SPATA31D3: variants seen among roughly 807,000 people sequenced by gnomAD.
SPATA31D3 encodes spermatogenesis-associated protein 31D3.
For missense variants in SPATA31D3, 91 were observed against 297.9 expected, an observed-to-expected ratio of 0.31 and a Z score of 5.11; for synonymous variants, 27 against 107.8, an observed-to-expected ratio of 0.25 and a Z score of 4.65.
Position 81,949,162 on chromosome 9 carries a change from A to G in SPATA31D3, c.*1155A>G, listed in dbSNP as rs1247932892. On this transcript the variant is annotated 3_prime_UTR_variant, in exon 4 of 4. Coordinates refer to ENST00000445385, the MANE Select transcript of SPATA31D3 (RefSeq NM_207416.3). ...TGTCTTACAGAAATGCCAAGTTAAG[A>G]ATTTTTCACCAGCTACAAAGAGAGT... 1 of 540,544 alleles carries G rather than the reference A, an allele frequency of 1.8e-6. No individual in the cohort carries two copies. Among genetic ancestry groups the G allele is most frequent in the African/African-American group, 1.9e-5 (1 of 53,166 alleles). The allele number at this position is 540,544 out of a possible 1,614,324, so 33.5% of individuals were successfully genotyped here.
chr9:81,949,681 C>G lies in SPATA31D3; in HGVS notation c.*1674C>G, dbSNP rs964046993. 2 of 1,253,610 alleles carry G rather than the reference C, an allele frequency of 1.6e-6. No homozygotes were observed. The highest frequency in any genetic ancestry group is 1.2e-6 in the Non-Finnish European group (1 of 858,516). The allele number at this position is 1,253,610 out of a possible 1,614,324, so 77.7% of individuals were successfully genotyped here. A position where few individuals can be genotyped will look rare whatever the true frequency, so the allele number is the denominator to read the frequency against. On this transcript the variant is annotated 3_prime_UTR_variant, in exon 4 of 4. Coordinates refer to ENST00000445385, the MANE Select transcript of SPATA31D3 (RefSeq NM_207416.3). ...CAGAGCAGAGCCTGTCCAGGGCTAT[C>G]CCTGCAACTACATGGCTCCCTCCTG...
In SPATA31D3 at chr9:81,948,812, G is replaced by C. The variant is rs1823950263; in HGVS notation, c.*805G>C. 9.1e-6 allele frequency: 2 copies of C among 219,620 alleles called. No homozygotes were observed. The highest frequency in any genetic ancestry group is 1.5e-5 in the Non-Finnish European group (2 of 130,750). The allele number at this position is 219,620 out of a possible 1,614,324, so 13.6% of individuals were successfully genotyped here. A position where few individuals can be genotyped will look rare whatever the true frequency, so the allele number is the denominator to read the frequency against. On this transcript the variant is annotated 3_prime_UTR_variant, in exon 4 of 4. Coordinates refer to ENST00000445385, the MANE Select transcript of SPATA31D3 (RefSeq NM_207416.3). ...TTGACAACCAGCAAGTCAGGAAGCT[G>C]CTTAGTGACAAACGTGAAAAGAAGC... is the stretch of plus-strand genomic sequence containing the variant.
rs1041341599 is a variant in SPATA31D3, at chr9:81,949,926, C to T, written c.*1919C>T. On this transcript the variant is annotated 3_prime_UTR_variant, in exon 4 of 4. Transcript: ENST00000445385. ...CAGTGTGAAGTCAACCTGGTGCCTCCGGTCATCCTGACCAGTGCTAAAAAC... is the reference window on the plus strand; with the variant it reads ...CAGTGTGAAGTCAACCTGGTGCCTCTGGTCATCCTGACCAGTGCTAAAAAC... 1.7e-5 allele frequency: 10 copies of T among 589,934 alleles called. No homozygotes were observed. The highest frequency in any genetic ancestry group is 3.7e-5 in the African/African-American group (2 of 53,648). The allele number at this position is 589,934 out of a possible 1,614,324, so 36.5% of individuals were successfully genotyped here.
At position 81,949,396 on chromosome 9, in the gene SPATA31D3, C is replaced by G; in HGVS notation, c.*1389C>G. ...GACCTTTTTGCAGCAGTCTAATAAA[C>G]CCATCATAACATATGGAAAACAAGA... On this transcript the variant is annotated 3_prime_UTR_variant, in exon 4 of 4. Transcript: ENST00000445385. The G allele has an allele frequency of 2.8e-6, 1 of 358,398 alleles. No homozygotes were observed. The highest frequency in any genetic ancestry group is 5.5e-6 in the Non-Finnish European group (1 of 180,970). 22.2% of individuals were successfully genotyped at this position (358,398 alleles called of 1,614,324 possible). A position where few individuals can be genotyped will look rare whatever the true frequency, so the allele number is the denominator to read the frequency against.
In SPATA31D3 at chr9:81,949,492, G is replaced by T; in HGVS notation, c.*1485G>T. Reference sequence around the variant, plus strand: ...TAGAGGTCGAGTTAAAAGTAGAGCTGTCTTTACTGGGACTATTGAAGCTCA... The same window carrying T: ...TAGAGGTCGAGTTAAAAGTAGAGCTTTCTTTACTGGGACTATTGAAGCTCA... On this transcript the variant is annotated 3_prime_UTR_variant, in exon 4 of 4. Transcript: ENST00000445385. The T allele has an allele frequency of 1.9e-6, 1 of 519,430 alleles. No individual in the cohort carries two copies. Among genetic ancestry groups the T allele is most frequent in the South Asian group, 2.1e-5 (1 of 48,672 alleles). 32.2% of individuals were successfully genotyped at this position (519,430 alleles called of 1,614,324 possible).
In SPATA31D3 at chr9:81,947,667, A is replaced by C; in HGVS notation, c.2414A>C (p.His805Pro). Residue 805 changes from histidine (H) to proline (P), a missense_variant, in exon 4 of 4, where the codon CAT becomes CCT. Coordinates refer to ENST00000445385, the MANE Select transcript of SPATA31D3 (RefSeq NM_207416.3). The part of the protein sequence containing the change: ...RSNSERDLGT[H>P]MMHLSGNDSG... ...AACTCTGAGAGAGACCTAGGAACTC[A>C]TATGATGCATCTGTCAGGGAATGAT... The C allele has an allele frequency of 6.3e-7, 1 of 1,584,918 alleles. No homozygotes were observed.
chr9:81,949,644 A>T lies in SPATA31D3; in HGVS notation c.*1637A>T. On this transcript the variant is annotated 3_prime_UTR_variant, in exon 4 of 4. Transcript: ENST00000445385. ...AGCTTGGGAAATCTCAGAATGTGCC[A>T]GAACTGCAGGTCAGAGCAGAGCCTG... 2 of 922,902 alleles carry T rather than the reference A, an allele frequency of 2.2e-6. No individual in the cohort carries two copies. Among genetic ancestry groups the T allele is most frequent in the Non-Finnish European group, 1.8e-6 (1 of 566,942 alleles). The allele number at this position is 922,902 out of a possible 1,614,324, so 57.2% of individuals were successfully genotyped here. A position where few individuals can be genotyped will look rare whatever the true frequency, so the allele number is the denominator to read the frequency against.
Position 81,949,359 on chromosome 9 carries a change from A to G in SPATA31D3, c.*1352A>G, listed in dbSNP as rs1254269799. 2.8e-6 allele frequency: 1 copy of G among 354,016 alleles called. No individual in the cohort carries two copies. The highest frequency in any genetic ancestry group is 6.3e-5 in the East Asian group (1 of 15,812). The allele number at this position is 354,016 out of a possible 1,614,324, so 21.9% of individuals were successfully genotyped here. ...AGCCTCCTCCTGAAAACCTTTTCGG[A>G]ACATTGATGAAGACCTTTTTGCAGC... On this transcript the variant is annotated 3_prime_UTR_variant, in exon 4 of 4. Coordinates refer to ENST00000445385, the MANE Select transcript of SPATA31D3 (RefSeq NM_207416.3).
Position 81,948,200 on chromosome 9 carries a change from C to T in SPATA31D3, c.*193C>T. The stretch of plus-strand genomic sequence containing the variant: ...TTTCAAGGAGAAAAGTTGGGAACAA[C>T]AAGCTCAGTCCCTGTCCTTAATCAT... On this transcript the variant is annotated 3_prime_UTR_variant, in exon 4 of 4. Coordinates refer to ENST00000445385, the MANE Select transcript of SPATA31D3 (RefSeq NM_207416.3). The T allele has an allele frequency of 9.6e-7, 1 of 1,036,618 alleles. No homozygotes were observed. The highest frequency in any genetic ancestry group is 2.4e-5 in the East Asian group (1 of 40,870). 64.2% of individuals were successfully genotyped at this position (1,036,618 alleles called of 1,614,324 possible). A position where few individuals can be genotyped will look rare whatever the true frequency, so the allele number is the denominator to read the frequency against.
Position 81,947,606 on chromosome 9 carries a change from G to C in SPATA31D3, c.2353G>C (p.Asp785His). ...TGCCCCAAAAAACCATCTCTTGCAT[G>C]ATCCGGAGACATCTTCAGAGGAGGA... ...ETAPKNHLLHDPETSSEEDLR... is the reference protein window; with the variant it reads ...ETAPKNHLLHHPETSSEEDLR... Residue 785 changes from aspartate (D) to histidine (H), a missense_variant, in exon 4 of 4, where the codon GAT becomes CAT. Coordinates refer to ENST00000445385, the MANE Select transcript of SPATA31D3 (RefSeq NM_207416.3). 1 of 1,570,870 alleles carries C rather than the reference G, an allele frequency of 6.4e-7. No individual in the cohort carries two copies. The highest frequency in any genetic ancestry group is 8.7e-7 in the Non-Finnish European group (1 of 1,155,546).
rs1253847052 is a variant in SPATA31D3 at position 81,946,064 on chromosome 9, T to C, written c.811T>C (p.Phe271Leu). The change falls in exon 4 of 4, where the codon TTT becomes CTT. Residue 271 changes from phenylalanine to leucine, a missense_variant. Physicochemically the swap from Phe to Leu is conservative, Grantham distance 22. Coordinates refer to ENST00000445385, the MANE Select transcript of SPATA31D3 (RefSeq NM_207416.3). ...TTTGTCTCTGAACACCATCTTTTCA[T>C]TTGGCTCCACCCTATGCCAAGATAT... ...ASLSLNTIFS[F>L]GSTLCQDISQ... 0.01 allele frequency: 1 copy of C among 100 alleles called. No individual in the cohort carries two copies. Among genetic ancestry groups the C allele is most frequent in the Admixed American group, 0.062 (1 of 16 alleles). The allele number at this position is 100 out of a possible 1,614,324, so 0.0% of individuals were successfully genotyped here.
At position 81,948,874 on chromosome 9, in the gene SPATA31D3, T is replaced by C; in HGVS notation, c.*867T>C. 6.4e-6 allele frequency: 2 copies of C among 311,356 alleles called. No individual in the cohort carries two copies. The highest frequency in any genetic ancestry group is 1.1e-5 in the Non-Finnish European group (2 of 182,836). The allele number at this position is 311,356 out of a possible 1,614,324, so 19.3% of individuals were successfully genotyped here. On this transcript the variant is annotated 3_prime_UTR_variant, in exon 4 of 4. Transcript: ENST00000445385. ...AACTGAAATTTTCCCACCAAGAATATCAGTTCCTCAAACTCCTAAATCATC... is the reference window on the plus strand; with the variant it reads ...AACTGAAATTTTCCCACCAAGAATACCAGTTCCTCAAACTCCTAAATCATC...
chr9:81,945,037 A>G, intron 2 of SPATA31D3, 135 bp from the exon 3 acceptor site: 1 of 333,844 alleles, frequency 3.0e-6, no homozygotes, highest in South Asian at 4.0e-5. Flanking sequence ...AACATTATCA[A>G]TGAATATTTG....
chr9:81,949,562 G>A lies in SPATA31D3; in HGVS notation c.*1555G>A, dbSNP rs1261573785. On this transcript the variant is annotated 3_prime_UTR_variant, in exon 4 of 4. Coordinates refer to ENST00000445385, the MANE Select transcript of SPATA31D3 (RefSeq NM_207416.3). The stretch of plus-strand genomic sequence containing the variant: ...GGGGAGTTCATAGAAGAGAAGCTGG[G>A]GCATAGACATTGAATAGATATCACC... 4 of 608,486 alleles carry A rather than the reference G, an allele frequency of 6.6e-6. No individual in the cohort carries two copies. The East Asian group carries it at 1.2e-4, about 18-fold the overall frequency. 37.7% of individuals were successfully genotyped at this position (608,486 alleles called of 1,614,324 possible).
At position 81,949,784 on chromosome 9, in the gene SPATA31D3, T is replaced by G; in HGVS notation, c.*1777T>G. On this transcript the variant is annotated 3_prime_UTR_variant, in exon 4 of 4. Coordinates refer to ENST00000445385, the MANE Select transcript of SPATA31D3 (RefSeq NM_207416.3). ...AATTATCCTGCAATGATTAGACAGA[T>G]CATAGACAAGGACAGATAGCCCCAG... is the stretch of plus-strand genomic sequence containing the variant. 2 of 1,329,076 alleles carry G rather than the reference T, an allele frequency of 1.5e-6. No individual in the cohort carries two copies. 82.3% of individuals were successfully genotyped at this position (1,329,076 alleles called of 1,614,324 possible).
Position 81,949,637 on chromosome 9 carries a change from A to G in SPATA31D3, c.*1630A>G, listed in dbSNP as rs1443028758. 7 of 868,612 alleles carry G rather than the reference A, an allele frequency of 8.1e-6. No individual in the cohort carries two copies. The highest frequency in any genetic ancestry group is 1.3e-5 in the Non-Finnish European group (7 of 520,814). 53.8% of individuals were successfully genotyped at this position (868,612 alleles called of 1,614,324 possible). ...CCAGTGCAGCTTGGGAAATCTCAGA[A>G]TGTGCCAGAACTGCAGGTCAGAGCA... On this transcript the variant is annotated 3_prime_UTR_variant, in exon 4 of 4. Coordinates refer to ENST00000445385, the MANE Select transcript of SPATA31D3 (RefSeq NM_207416.3).
Position 81,949,582 on chromosome 9 carries a change from A to G in SPATA31D3, c.*1575A>G, listed in dbSNP as rs1056565379. 1.4e-5 allele frequency: 9 copies of G among 638,828 alleles called. No individual in the cohort carries two copies. The African/African-American group carries it at 1.6e-4, about 12-fold the overall frequency. The allele number at this position is 638,828 out of a possible 1,614,324, so 39.6% of individuals were successfully genotyped here. A position where few individuals can be genotyped will look rare whatever the true frequency, so the allele number is the denominator to read the frequency against. ...GCTGGGGCATAGACATTGAATAGAT[A>G]TCACCTGTCCCCAGGAGCCCCTTTC... On this transcript the variant is annotated 3_prime_UTR_variant, in exon 4 of 4. Transcript: ENST00000445385.
chr9:81,949,922 C>A lies in SPATA31D3; in HGVS notation c.*1915C>A. ...CTTGCAGTGTGAAGTCAACCTGGTG[C>A]CTCCGGTCATCCTGACCAGTGCTAA... On this transcript the variant is annotated 3_prime_UTR_variant, in exon 4 of 4. Transcript: ENST00000445385. 1.7e-6 allele frequency: 1 copy of A among 600,294 alleles called. No individual in the cohort carries two copies. The highest frequency in any genetic ancestry group is 3.0e-6 in the Non-Finnish European group (1 of 332,580). 37.2% of individuals were successfully genotyped at this position (600,294 alleles called of 1,614,324 possible).
rs1823927014 is a variant in SPATA31D3 at position 81,947,970 on chromosome 9, CT to C, written c.2720del (p.Phe907SerfsTer3). 6.4e-7 allele frequency: 1 copy of C among 1,551,878 alleles called. No individual in the cohort carries two copies. Among genetic ancestry groups the C allele is most frequent in the African/African-American group, 1.4e-5 (1 of 72,434 alleles). The part of the protein sequence containing the change: ...KQKMLEAHIK[S>X]FHMKPILNLS... ...AAGATGTTGGAAGCCCATATTAAAT[CT>C]TTCCATATGAAGCCCATATTAAATC... On this transcript the variant is annotated frameshift_variant, in exon 4 of 4. Coordinates refer to ENST00000445385, the MANE Select transcript of SPATA31D3 (RefSeq NM_207416.3). LOFTEE classifies it low-confidence loss of function (END_TRUNC).
Sources: gnomAD v4.1 joint callset for allele counts on GRCh38, gnomAD v4.1.1 for gene constraint, MANE v1.5 for transcripts, NCBI Gene and HGNC (gene_info 2026-07-23, HGNC 2026-07-21) for gene names.